TTN: variants seen among roughly 807,000 people sequenced by gnomAD.
The protein encoded by TTN is titin, also known as connectin.
A neutral mutation model predicts 3,223.0 loss-of-function variants in TTN; 1,525 were observed. That is an observed-to-expected ratio of 0.47 (90% CI 0.45 to 0.49). The LOEUF (loss-of-function observed/expected upper bound fraction) is 0.49, where lower values mean the gene tolerates loss of function less well. Among genes scored for constraint, TTN ranks in the 20% least tolerant of loss-of-function variants. TTN has a pLI of 0.00. For missense variants in TTN, 40,786 were observed against 43,424.0 expected (o/e 0.94, Z 5.40); for synonymous variants, 14,094 against 15,161.0 (o/e 0.93, Z 5.17).
Position 178,604,129 on chromosome 2 carries a change from G to A in TTN, c.54558C>T (p.Ser18186=), listed in dbSNP as rs2054186604. The A allele has an allele frequency of 6.2e-7, 1 of 1,612,346 alleles. No individual in the cohort carries two copies. Among genetic ancestry groups the A allele is most frequent in the Non-Finnish European group, 8.5e-7 (1 of 1,178,974 alleles). Residue 18186 remains serine (S), a synonymous_variant, in exon 282 of 363, where the codon AGC becomes AGT. Transcript: ENST00000589042. ...LARTKGSMLV[S]WTPPLDNGGS... ...CACCATTGTCCAAAGGAGGAGTCCA[G>A]CTCACTAGCATTGATCCTTTGGTGC... is the stretch of plus-strand genomic sequence containing the variant.
At position 178,635,493 on chromosome 2, in the gene TTN, T is replaced by A; in HGVS notation, c.41831A>T (p.Glu13944Val). ...TTTTCCTTCAATTTCCACTGCATAC[T>A]CAGCAATATCTTCTGGCATAGCATT... ...IKNAMPEDIAEYAVEIEGKRY... is the reference protein window; with the variant it reads ...IKNAMPEDIAVYAVEIEGKRY... The change falls in exon 227 of 363, where the codon GAG becomes GTG. Residue 13944 changes from glutamate to valine, a missense_variant. Physicochemically the swap from Glu to Val is moderately radical, Grantham distance 121. Transcript: ENST00000589042. 1 of 1,605,266 alleles carries A rather than the reference T, an allele frequency of 6.2e-7. No homozygotes were observed. The highest frequency in any genetic ancestry group is 1.7e-5 in the Admixed American group (1 of 58,824).
At position 178,545,580 on chromosome 2, in the gene TTN, C is replaced by T; in HGVS notation, c.95530G>A (p.Val31844Ile). ...AGGCTCTTCTTCTCACGTTTGTCTA[C>T]TAGGTAGTTGCTGATTTCATTGCCA... is the stretch of plus-strand genomic sequence containing the variant. Reference protein sequence around the residue: ...DGGNEISNYLVDKREKKSLRW... With the variant: ...DGGNEISNYLIDKREKKSLRW... The change falls in exon 344 of 363, where the codon GTA (valine) becomes ATA (isoleucine). Residue 31844 changes from valine to isoleucine, a missense_variant. Transcript: ENST00000589042. 2 of 1,613,734 alleles carry T rather than the reference C, an allele frequency of 1.2e-6. No homozygotes were observed. The highest frequency in any genetic ancestry group is 1.7e-6 in the Non-Finnish European group (2 of 1,179,714).
At position 178,587,279 on chromosome 2, in the gene TTN, T is replaced by C. The variant is rs375535453; in HGVS notation, c.63932A>G (p.Lys21311Arg). 6.2e-7 allele frequency: 1 copy of C among 1,613,180 alleles called. No homozygotes were observed. Among genetic ancestry groups the C allele is most frequent in the African/African-American group, 1.3e-5 (1 of 74,984 alleles). Reference protein sequence around the residue: ...YIVEKREADRKTWSTVTPEVK... With the variant: ...YIVEKREADRRTWSTVTPEVK... ...TTCTGGGGTAACGGTCGACCATGTC[T>C]TTCTGTCTGCCTCACGTTTCTCCAC... Residue 21311 changes from lysine to arginine, a missense_variant, in exon 307 of 363, where the codon AAG becomes AGG. Transcript: ENST00000589042.
intron 278 of TTN, among the ~76,000 whole-genome samples, chr2:178,605,927 CAG>C (rs1241739138): frequency 6.6e-6 from 1 of 151,902 alleles, no homozygotes; most frequent in East Asian, 1.9e-4. Flanking sequence ...TCAAGATTAT[CAG>C]TGAAAAATAA....
intron 10 of TTN, among the ~76,000 whole-genome samples, chr2:178,791,596 G>A (rs900342936): frequency 1.3e-4 from 20 of 151,530 alleles, no homozygotes; most frequent in East Asian, 3.9e-4. Context: ...TGCTTTCTCC[G>A]ATGTCTGGCA....
Position 178,542,679 on chromosome 2 carries a change from A to G in TTN, c.97175T>C (p.Ile32392Thr). 1 of 1,613,166 alleles carries G rather than the reference A, an allele frequency of 6.2e-7. No individual in the cohort carries two copies. Among genetic ancestry groups the G allele is most frequent in the Non-Finnish European group, 8.5e-7 (1 of 1,179,234 alleles). ...ATCCTTACCAAGAATGATAACTTTAATGGTTTCTGAAGTAGTTCCGGTAAC... is the reference window on the plus strand; with the variant it reads ...ATCCTTACCAAGAATGATAACTTTAGTGGTTTCTGAAGTAGTTCCGGTAAC... ...KNVTGTTSET[I>T]KVIILDKPGP... The change falls in exon 348 of 363, where the codon ATT (isoleucine) becomes ACT (threonine). Residue 32392 changes from isoleucine to threonine, a missense_variant. Transcript: ENST00000589042.
In TTN at chr2:178,587,731, C is replaced by T. The variant is rs372267046; in HGVS notation, c.63578G>A (p.Arg21193His). Reference protein sequence around the residue: ...LVIVRAGCPIRLFAIVRGRPA... With the variant: ...LVIVRAGCPIHLFAIVRGRPA... ...TCGTCCTCTCACTATAGCAAAGAGA[C>T]GAATAGGGCATCCTGCTCTCACTAT... is the stretch of plus-strand genomic sequence containing the variant. The change falls in exon 306 of 363, where the codon CGT becomes CAT. Residue 21193 changes from arginine to histidine, a missense_variant. Transcript: ENST00000589042. 147 of 1,612,478 alleles carry T rather than the reference C, an allele frequency of 9.1e-5. No homozygotes were observed. Among genetic ancestry groups the T allele is most frequent in the Middle Eastern group, 8.2e-4 (5 of 6,068 alleles).
At position 178,557,056 on chromosome 2, in the gene TTN, C is replaced by A; in HGVS notation, c.88098G>T (p.Lys29366Asn). 1.2e-6 allele frequency: 2 copies of A among 1,613,790 alleles called. No individual in the cohort carries two copies. The highest frequency in any genetic ancestry group is 8.5e-7 in the Non-Finnish European group (1 of 1,179,824). Residue 29366 changes from lysine (K) to asparagine (N), a missense_variant, in exon 330 of 363, where the codon AAG becomes AAT. Transcript: ENST00000589042. ...GTCTCTCAACAATGTAGCCTGTAAT[C>A]TTGCTACCTCCATCGAAAGCTGGTT... is the stretch of plus-strand genomic sequence containing the variant. ...WQQPAFDGGS[K>N]ITGYIVERRD... is the part of the protein sequence containing the mutation.
chr2:178,561,807 C>T lies in TTN; in HGVS notation c.84325G>A (p.Val28109Ile). 6.2e-7 allele frequency: 1 copy of T among 1,613,660 alleles called. No homozygotes were observed. Among genetic ancestry groups the T allele is most frequent in the East Asian group, 2.2e-5 (1 of 44,764 alleles). ...ACTATTTTAATGGATGTTCTTGCAA[C>T]TGCTTGTGAAACTATGTGCCATGTT... Reference protein sequence around the residue: ...STTWHIVSQAVARTSIKIVRL... With the variant: ...STTWHIVSQAIARTSIKIVRL... The change falls in exon 326 of 363, where the codon GTT (valine) becomes ATT (isoleucine). Residue 28109 changes from valine (V) to isoleucine (I), a missense_variant. Val to Ile is a conservative substitution (Grantham distance 29). Transcript: ENST00000589042.
chr2:178,766,242 GA>G, intron 41 of TTN, 138 bp downstream of exon 41: 45 of 726,074 alleles, frequency 6.2e-5, no homozygotes, highest in Non-Finnish European at 7.4e-5. Flanking sequence ...GATATAATGT[GA>G]AAAAAAATGT....
intron 326 of TTN, 54 bp from the exon 327 acceptor site, chr2:178,558,691 T>A: frequency 6.5e-7 from 1 of 1,530,784 alleles, no homozygotes. Flanking sequence ...CACTTTTAAA[T>A]GTGCACTCTT....
chr2:178,757,229 A>ACTGTACTTACTTGAAGT (rs1398848581), intron 45 of TTN, among the ~76,000 whole-genome samples: 1 of 149,626 alleles, frequency 6.7e-6, no homozygotes. Flanking sequence ...AGTAAGTAAT[A>ACTGTACTTACTTGAAGT]ATCAGCAAAT....
intron 6 of TTN, among the ~76,000 whole-genome samples, chr2:178,796,208 T>C (rs1057042350): frequency 2.6e-5 from 4 of 152,194 alleles, no homozygotes. Flanking sequence ...TAAGGTAAAA[T>C]TTTTTTCAGA....
chr2:178,795,189 G>A lies in TTN; in HGVS notation c.978C>T (p.Leu326=), dbSNP rs1262116921. The A allele has an allele frequency of 1.2e-6, 2 of 1,614,144 alleles. No homozygotes were observed. The highest frequency in any genetic ancestry group is 1.1e-5 in the South Asian group (1 of 91,080). ...CGGTGGATGCCTGAGTCTTACGCATGAGCAATGGAGACCTAACAGACCTGA... is the reference window on the plus strand; with the variant it reads ...CGGTGGATGCCTGAGTCTTACGCATAAGCAATGGAGACCTAACAGACCTGA... ...SPIRSVRSPL[L]MRKTQASTVA... Residue 326 remains leucine (L), a synonymous_variant, in exon 7 of 363, where the codon CTC becomes CTT. Transcript: ENST00000589042.
chr2:178,664,319 A>G, intron 168 of TTN, 141 bp downstream of exon 168: 1 of 793,298 alleles, frequency 1.3e-6, no homozygotes, highest in East Asian at 2.6e-5. Context: ...TGAAGATATT[A>G]ATACATTTAC....
chr2:178,622,626 A>G lies in TTN; in HGVS notation c.44913+44T>C, dbSNP rs140847770. On this transcript the variant is annotated intron_variant, in intron 243 of 362. Transcript: ENST00000589042. ...TTTTGGCTAGACCAAAAGTAAATATAAAGTTATTTGACAGTACAAGATGAC... is the reference window on the plus strand; with the variant it reads ...TTTTGGCTAGACCAAAAGTAAATATGAAGTTATTTGACAGTACAAGATGAC... 98 of 1,492,644 alleles carry G rather than the reference A, an allele frequency of 6.6e-5. No individual in the cohort carries two copies. In the African/African-American group the frequency reaches 1.3e-3, roughly 19 times the overall value. 92.5% of individuals were successfully genotyped at this position (1,492,644 alleles called of 1,614,324 possible).
Position 178,591,221 on chromosome 2 carries a change from A to G in TTN, c.60504T>C (p.Val20168=). The G allele has an allele frequency of 1.2e-6, 2 of 1,613,430 alleles. No individual in the cohort carries two copies. Among genetic ancestry groups the G allele is most frequent in the Non-Finnish European group, 8.5e-7 (1 of 1,179,570 alleles). The part of the protein sequence containing the change: ...GSKTVAVHLT[V]LDVPGPPTGP... ...CTGTTGGTGGCCCAGGAACATCAAG[A>G]ACAGTAAGATGTACGGCTACTGTTT... Residue 20168 remains valine (V), a synonymous_variant, in exon 304 of 363, where the codon GTT becomes GTC. Coordinates refer to ENST00000589042, the MANE Select transcript of TTN (RefSeq NM_001267550.2).
chr2:178,588,470 T>G (rs983150875), intron 304 of TTN, 68 bp downstream of exon 304: 45 of 1,447,554 alleles, frequency 3.1e-5, no homozygotes, highest in Non-Finnish European at 4.0e-5. Flanking sequence ...CATTAACTTA[T>G]TTATCGAATA....
At chr2:178,778,371 C>T (rs1041047138) in intron 24 of TTN, 2 of 274,030 alleles carry the variant, frequency 7.3e-6, no homozygotes, top group Admixed American at 1.0e-4. Flanking sequence ...AAAAAATACA[C>T]ATTCTTTATC....
Sources: allele counts gnomAD v4.1 joint callset (sites outside exome capture counted in the v4.1 genomes callset), GRCh38; gene constraint gnomAD v4.1.1; transcripts MANE v1.5; gene names NCBI Gene and HGNC (gene_info 2026-07-23, HGNC 2026-07-21).